KIF18A: variants seen among roughly 807,000 people sequenced by gnomAD.
The protein encoded by KIF18A is kinesin family member 18A.
Under a neutral mutation model 103.3 loss-of-function variants are expected in KIF18A, and 67 were observed. The ratio of observed to expected loss-of-function variants is 0.65; its 90% CI spans 0.53 to 0.79. The LOEUF (loss-of-function observed/expected upper bound fraction) is 0.79. Ranked by LOEUF, KIF18A falls within the 30% of genes least tolerant of loss-of-function variation. The pLI is 0.00. For missense variants in KIF18A, 1,032 were observed against 1,062.5 expected (o/e 0.97, Z 0.40); for synonymous variants, 367 against 355.5 (o/e 1.03, Z -0.36).
chr11:28,050,178 T>G (rs572448275), intron 13 of KIF18A, among the ~76,000 whole-genome samples: 1 of 151,966 alleles, frequency 6.6e-6, no homozygotes, highest in South Asian at 2.1e-4. Flanking sequence ...ATTTTCTCAG[T>G]ATTTACACTT....
chr11:28,024,765 G>T (rs573657166), intron 15 of KIF18A, among the ~76,000 whole-genome samples: 4 of 151,880 alleles, frequency 2.6e-5, no homozygotes, highest in African/African-American at 7.3e-5. Context: ...GTAGGATTGG[G>T]GGGGGTTGGG....
intron 10 of KIF18A, 116 bp from the exon 11 acceptor site, chr11:28,069,539 C>T: frequency 1.0e-6 from 1 of 959,298 alleles, no homozygotes; most frequent in Non-Finnish European, 1.5e-6. Context: ...AGTTAGGCTA[C>T]ATTTTTGTAT....
At chr11:28,072,881 CA>C (rs1450607892) in intron 10 of KIF18A, among the ~76,000 whole-genome samples, 2 of 151,848 alleles carry the variant, frequency 1.3e-5, no homozygotes, top group African/African-American at 2.4e-5. Context: ...AGTAAAATAA[CA>C]ATTATCTAAA....
intron 1 of KIF18A, among the ~76,000 whole-genome samples, chr11:28,100,594 AT>A (rs1001304970): frequency 2.0e-5 from 3 of 149,954 alleles, no homozygotes; most frequent in South Asian, 2.1e-4. Context: ...TTTTGTTTGT[AT>A]TTTTTTTTAA....
At chr11:28,105,331 A>G (rs1388455102) in intron 1 of KIF18A, among the ~76,000 whole-genome samples, 1 of 151,996 alleles carries the variant, frequency 6.6e-6, no homozygotes, top group African/African-American at 2.4e-5. Flanking sequence ...CTTAATCACT[A>G]CTCTCCCTGA....
chr11:28,071,363 T>C (rs1234214049), intron 10 of KIF18A, among the ~76,000 whole-genome samples: 19 of 151,822 alleles, frequency 1.3e-4, no homozygotes, highest in Admixed American at 1.2e-3. Flanking sequence ...TTTGCAAACA[T>C]GTAAAACAAC....
chr11:28,063,546 T>C (rs1309628882), intron 11 of KIF18A, among the ~76,000 whole-genome samples: 1 of 152,034 alleles, frequency 6.6e-6, no homozygotes, highest in African/African-American at 2.4e-5. Context: ...TCCTGTAATC[T>C]ACCACCTAAA....
In KIF18A at chr11:28,058,992, C is replaced by T. The variant is rs764168501; in HGVS notation, c.1882G>A (p.Asp628Asn). The change falls in exon 13 of 17, where the codon GAT (aspartate) becomes AAT (asparagine). Residue 628 changes from aspartate (D) to asparagine (N), a missense_variant. Transcript: ENST00000263181. ...ATAAGAACAGAAATCCCTGGTAGAT[C>T]GTTTTGCTTTGGTTGTTCGGCAGTT... is the stretch of plus-strand genomic sequence containing the variant. ...DQTAEQPKQN[D>N]LPGISVLMTF... is the part of the protein sequence containing the mutation. The T allele has an allele frequency of 9.9e-6, 16 of 1,613,898 alleles. No individual in the cohort carries two copies. The highest frequency in any genetic ancestry group is 2.2e-5 in the South Asian group (2 of 91,074).
At chr11:28,094,868 G>GA in intron 2 of KIF18A, 68 bp from the exon 3 acceptor site, 1 of 1,415,794 alleles carries the variant, frequency 7.1e-7, no homozygotes, top group Non-Finnish European at 1.0e-6. Context: ...CTACTATCTA[G>GA]TGGATAGTTC....
chr11:28,053,961 G>C (rs552883046), intron 13 of KIF18A, among the ~76,000 whole-genome samples: 2 of 150,326 alleles, frequency 1.3e-5, no homozygotes, highest in African/African-American at 2.4e-5. Context: ...TATACTGCTT[G>C]ATGGGGGTTA....
chr11:28,050,606 G>A (rs907648759), intron 13 of KIF18A, among the ~76,000 whole-genome samples: 5 of 151,696 alleles, frequency 3.3e-5, no homozygotes, highest in Non-Finnish European at 7.4e-5. Flanking sequence ...GACATTGGGT[G>A]CAAAATTTTA....
chr11:28,022,090 A>C (rs917885695), intron 16 of KIF18A, among the ~76,000 whole-genome samples: 1 of 152,170 alleles, frequency 6.6e-6, no homozygotes, highest in Non-Finnish European at 1.5e-5. Context: ...ATGTATATAA[A>C]ATATCTTTCC....
In KIF18A at chr11:28,082,984, C is replaced by T; in HGVS notation, c.1150-16G>A. The T allele has an allele frequency of 1.3e-6, 2 of 1,512,824 alleles. No homozygotes were observed. Among genetic ancestry groups the T allele is most frequent in the Non-Finnish European group, 1.8e-6 (2 of 1,110,064 alleles). The allele number at this position is 1,512,824 out of a possible 1,614,324, so 93.7% of individuals were successfully genotyped here. A position where few individuals can be genotyped will look rare whatever the true frequency, so the allele number is the denominator to read the frequency against. On this transcript the variant is annotated splice_polypyrimidine_tract_variant and intron_variant, in intron 8 of 16. Transcript: ENST00000263181. Reference sequence around the variant, plus strand: ...ACAATAAAATCTAGTAGAGAGAAATCACTAGTTAAAATACAAAAGAAGTCA... The same window carrying T: ...ACAATAAAATCTAGTAGAGAGAAATTACTAGTTAAAATACAAAAGAAGTCA...
rs1554973403 is a variant in KIF18A, at chr11:28,076,934, T to TG, written c.1425+72dup. 1.1e-5 allele frequency: 6 copies of TG among 564,510 alleles called. No individual in the cohort carries two copies. The African/African-American group carries it at 1.5e-4, about 15-fold the overall frequency. 35.0% of individuals were successfully genotyped at this position (564,510 alleles called of 1,614,324 possible). On this transcript the variant is annotated intron_variant, in intron 10 of 16. Transcript: ENST00000263181. ...GGGCAACAGAAGAAGAGACTCCTTC[T>TG]GAAAAAAAAAAAAAAAAAAAAGCCC...
Position 28,097,649 on chromosome 11 carries a change from C to T in KIF18A, c.299G>A (p.Ser100Asn), listed in dbSNP as rs569147143. The change falls in exon 2 of 17, where the codon AGT becomes AAT. Residue 100 changes from serine (S) to asparagine (N), a missense_variant. Ser to Asn is a conservative substitution (Grantham distance 46). Coordinates refer to ENST00000263181, the MANE Select transcript of KIF18A (RefSeq NM_031217.4). Reference protein sequence around the residue: ...FEHTTKPILRSFLNGYNCTVL... With the variant: ...FEHTTKPILRNFLNGYNCTVL... ...TGTGCAATTATATCCATTCAAAAAA[C>T]TACGAAGAATTGGCTTAGTAGTGTG... 1.7e-5 allele frequency: 27 copies of T among 1,609,550 alleles called. 1 individual carries two copies. In the South Asian group the frequency reaches 2.6e-4, roughly 16 times the overall value.
intron 8 of KIF18A, 32 bp from the exon 9 acceptor site, chr11:28,083,000 A>G: frequency 1.3e-6 from 2 of 1,488,494 alleles, no homozygotes; most frequent in Non-Finnish European, 1.8e-6. Flanking sequence ...TTAAAATACA[A>G]AAGAAGTCAT....
intron 6 of KIF18A, 111 bp downstream of exon 6, chr11:28,088,413 C>G (rs1851259554): frequency 1.2e-6 from 1 of 831,564 alleles, no homozygotes; most frequent in Non-Finnish European, 1.9e-6. Context: ...ACTGATATAC[C>G]CTTGAAATGT....
chr11:28,087,464 C>T (rs988403832), intron 6 of KIF18A, among the ~76,000 whole-genome samples: 2 of 152,138 alleles, frequency 1.3e-5, no homozygotes, highest in South Asian at 2.1e-4. Flanking sequence ...ATATGTGCCA[C>T]ATTTTCTTTA....
At chr11:28,065,058 G>T (rs931172041) in intron 11 of KIF18A, among the ~76,000 whole-genome samples, 1 of 152,074 alleles carries the variant, frequency 6.6e-6, no homozygotes, top group African/African-American at 2.4e-5. Flanking sequence ...AGGACCAAAC[G>T]TAGCAGTCCA....
Sources: gnomAD v4.1 joint callset for allele counts (sites outside exome capture counted in the v4.1 genomes callset) on GRCh38, gnomAD v4.1.1 for gene constraint, MANE v1.5 for transcripts, NCBI Gene and HGNC (gene_info 2026-07-23, HGNC 2026-07-21) for gene names.